The following NDUFS4 variants were observed in gnomAD, a reference collection of about 807,000 sequenced individuals.
NDUFS4 encodes NADH dehydrogenase [ubiquinone] iron-sulfur protein 4, mitochondrial.
NDUFS4 carries 28 observed loss-of-function variants against 24.3 expected under a neutral mutation model. The ratio of observed to expected loss-of-function variants is 1.15; its 90% CI spans 0.85 to 1.58. NDUFS4 has a LOEUF of 1.58. Among genes scored for constraint, NDUFS4 ranks in the 40% most tolerant of loss-of-function variants. The probability of loss-of-function intolerance (pLI) is 0.00; values close to 1 mark genes in which losing one functional copy is unlikely to be tolerated. For synonymous variants in NDUFS4, 93 were observed against 69.7 expected (o/e 1.34, Z -1.67); for missense variants, 223 against 207.9 (o/e 1.07, Z -0.45).
At chr5:53,609,266 A>G (rs1378099808) in intron 2 of NDUFS4, among the ~76,000 whole-genome samples, 2 of 152,238 alleles carry the variant, frequency 1.3e-5, no homozygotes, top group Non-Finnish European at 2.9e-5. Flanking sequence ...TCAAAAGTCA[A>G]AATTACTCCT....
At chr5:53,607,687 T>C (rs1750567163) in intron 2 of NDUFS4, among the ~76,000 whole-genome samples, 1 of 152,216 alleles carries the variant, frequency 6.6e-6, no homozygotes, top group African/African-American at 2.4e-5. Context: ...GGATTTTAAG[T>C]AATCAAGTAT....
At chr5:53,670,524 ATTTCC>A (rs1255345660) in intron 4 of NDUFS4, among the ~76,000 whole-genome samples, 3 of 145,892 alleles carry the variant, frequency 2.1e-5, no homozygotes, top group African/African-American at 7.9e-5. Flanking sequence ...AATTTTACAT[ATTTCC>A]TTTTATTTAA....
intron 2 of NDUFS4, among the ~76,000 whole-genome samples, chr5:53,619,209 A>T (rs1486195359): frequency 6.6e-6 from 1 of 150,854 alleles, no homozygotes; most frequent in Non-Finnish European, 1.5e-5. Context: ...GGTGGCTCAC[A>T]CCTGTAATCC....
intron 2 of NDUFS4, among the ~76,000 whole-genome samples, chr5:53,633,699 A>G (rs1402881006): frequency 2.6e-5 from 4 of 152,202 alleles, no homozygotes; most frequent in Non-Finnish European, 4.4e-5. Context: ...ACCCTCAACC[A>G]TGAACCCAAG....
At chr5:53,626,864 T>C (rs1449146431) in intron 2 of NDUFS4, among the ~76,000 whole-genome samples, 1 of 152,248 alleles carries the variant, frequency 6.6e-6, no homozygotes, top group Non-Finnish European at 1.5e-5. Flanking sequence ...TTTCTTTTGC[T>C]GTGCAGTAGC....
chr5:53,595,687 C>T lies in NDUFS4; in HGVS notation c.99-7765C>T, dbSNP rs567393664. ...TGCCCACATTCTCCTACTTATTACT[C>T]TTCAATTCCATTTCAGAGTCTGTTA... On this transcript the variant is annotated intron_variant, in intron 1 of 4. Transcript: ENST00000296684. 1.2e-4 allele frequency among the ~76,000 whole-genome samples: 18 copies of T among 152,274 alleles called. No individual in the cohort carries two copies. The East Asian group carries it at 3.5e-3, about 29-fold the overall frequency.
At chr5:53,588,287 C>T (rs913225198) in intron 1 of NDUFS4, among the ~76,000 whole-genome samples, 2 of 152,200 alleles carry the variant, frequency 1.3e-5, no homozygotes, top group Admixed American at 6.5e-5. Flanking sequence ...GTGGGGTTCT[C>T]TTTCCTCTCT....
chr5:53,564,603 A>G (rs1382261254), intron 1 of NDUFS4, among the ~76,000 whole-genome samples: 1 of 152,180 alleles, frequency 6.6e-6, no homozygotes, highest in Non-Finnish European at 1.5e-5. Flanking sequence ...GCAGTGGCGC[A>G]ATCTTGGCTC....
intron 1 of NDUFS4, 101 bp downstream of exon 1, chr5:53,560,861 C>G: frequency 8.2e-6 from 13 of 1,581,020 alleles, no homozygotes; most frequent in Non-Finnish European, 1.1e-5. Flanking sequence ...GGAAGGCGTC[C>G]TCTGTTGACC....
chr5:53,653,491 A>T (rs963938189), intron 3 of NDUFS4, among the ~76,000 whole-genome samples: 11 of 152,164 alleles, frequency 7.2e-5, no homozygotes, highest in Non-Finnish European at 1.6e-4. Flanking sequence ...GAATTTAAAT[A>T]AGAATTCTGT....
At chr5:53,626,045 C>T (rs1751211575) in intron 2 of NDUFS4, among the ~76,000 whole-genome samples, 1 of 152,074 alleles carries the variant, frequency 6.6e-6, no homozygotes, top group Admixed American at 6.6e-5. Flanking sequence ...TAGCCCCCCA[C>T]CCTCTGATGG....
intron 4 of NDUFS4, among the ~76,000 whole-genome samples, chr5:53,673,657 A>G (rs538747651): frequency 3.0e-4 from 46 of 152,148 alleles, no homozygotes; most frequent in Non-Finnish European, 6.2e-4. Context: ...CCTTTAATAA[A>G]CAAAAACACA....
chr5:53,580,898 G>T (rs1217505189), intron 1 of NDUFS4, among the ~76,000 whole-genome samples: 1 of 151,356 alleles, frequency 6.6e-6, no homozygotes, highest in African/African-American at 2.4e-5. Context: ...CAATGGCACA[G>T]TCTTGGCTCA....
chr5:53,649,146 C>T (rs1260553275), intron 3 of NDUFS4, among the ~76,000 whole-genome samples: 4 of 152,052 alleles, frequency 2.6e-5, no homozygotes, highest in South Asian at 2.1e-4. Context: ...CTAGAGTATC[C>T]CCCTGTTCAT....
At chr5:53,676,347 A>G (rs764894188) in intron 4 of NDUFS4, among the ~76,000 whole-genome samples, 11 of 152,210 alleles carry the variant, frequency 7.2e-5, no homozygotes, top group Non-Finnish European at 1.2e-4. Flanking sequence ...CCCTCGGGAT[A>G]TACATGGTTA....
At chr5:53,629,781 G>A (rs1304381287) in intron 2 of NDUFS4, among the ~76,000 whole-genome samples, 2 of 151,876 alleles carry the variant, frequency 1.3e-5, no homozygotes, top group Non-Finnish European at 2.9e-5. Flanking sequence ...GTCTTTGCCT[G>A]TGAGATGGAT....
chr5:53,591,513 T>G (rs947778577), intron 1 of NDUFS4, among the ~76,000 whole-genome samples: 2 of 150,064 alleles, frequency 1.3e-5, no homozygotes, highest in African/African-American at 4.9e-5. Context: ...TGGTATCTTA[T>G]GGTTTTCTTT....
chr5:53,629,500 T>C (rs1751335950), intron 2 of NDUFS4, among the ~76,000 whole-genome samples: 1 of 152,146 alleles, frequency 6.6e-6, no homozygotes, highest in Non-Finnish European at 1.5e-5. Context: ...TCCAGTGTTA[T>C]TGTGTGGGAG....
At chr5:53,634,389 C>T (rs973120006) in intron 2 of NDUFS4, among the ~76,000 whole-genome samples, 29 of 152,032 alleles carry the variant, frequency 1.9e-4, no homozygotes, top group African/African-American at 6.8e-4. Flanking sequence ...TATGTTCTGG[C>T]CCTTTGTCCT....
Sources: gnomAD v4.1 joint callset for allele counts (sites outside exome capture counted in the v4.1 genomes callset) on GRCh38, gnomAD v4.1.1 for gene constraint, MANE v1.5 for transcripts, NCBI Gene and HGNC (gene_info 2026-07-23, HGNC 2026-07-21) for gene names.